Variants in RALGAPA2 observed in about 807,000 individuals in gnomAD.
RALGAPA2 encodes the protein Ral GTPase activating protein catalytic subunit alpha 2.
A neutral mutation model predicts 230.4 loss-of-function variants in RALGAPA2; 139 were observed. That is an observed-to-expected ratio of 0.60 (90% CI 0.53 to 0.69). The LOEUF is 0.69. Among genes scored for constraint, RALGAPA2 ranks in the 30% least tolerant of loss-of-function variants. The pLI, the probability that RALGAPA2 is intolerant of heterozygous loss-of-function variation, is 0.00. For synonymous variants in RALGAPA2, 847 were observed against 837.8 expected (o/e 1.01, Z -0.19); for missense variants, 2,163 against 2,276.0 (o/e 0.95, Z 1.01).
chr20:20,591,642 G>A (rs1242769410), intron 16 of RALGAPA2, among the ~76,000 whole-genome samples: 3 of 152,046 alleles, frequency 2.0e-5, no homozygotes, highest in South Asian at 4.1e-4. Flanking sequence ...AGATTCAGGA[G>A]ATGCACAGAA....
At chr20:20,684,221 CTT>C (rs1232763300) in intron 1 of RALGAPA2, among the ~76,000 whole-genome samples, 7 of 152,176 alleles carry the variant, frequency 4.6e-5, no homozygotes, top group South Asian at 2.1e-4. Flanking sequence ...GGCCCTCTCT[CTT>C]GGTAGGCTCT....
In RALGAPA2 at chr20:20,458,491, T is replaced by C. The variant is rs1377858265; in HGVS notation, c.5495+14338A>G. On this transcript the variant is annotated intron_variant, in intron 37 of 39. Transcript: ENST00000202677. ...TATAATATATAATATATATGTATTT[T>C]ATATATATTATATATAATATATATG... 7.0e-3 allele frequency among the ~76,000 whole-genome samples: 957 copies of C among 135,796 alleles called. 19 individuals carry two copies. The highest frequency in any genetic ancestry group is 9.6e-3 in the South Asian group (43 of 4,474). The allele number at this position is 135,796 out of a possible 152,430, so 89.1% of individuals were successfully genotyped here. A position where few individuals can be genotyped will look rare whatever the true frequency, so the allele number is the denominator to read the frequency against.
intron 3 of RALGAPA2, among the ~76,000 whole-genome samples, chr20:20,661,641 G>A (rs944726962): frequency 1.3e-5 from 2 of 152,134 alleles, no homozygotes; most frequent in Non-Finnish European, 2.9e-5. Flanking sequence ...AAAACCAAGT[G>A]CAATGGGCAT....
chr20:20,580,266 C>T (rs894735702), intron 20 of RALGAPA2, among the ~76,000 whole-genome samples: 1 of 152,094 alleles, frequency 6.6e-6, no homozygotes, highest in African/African-American at 2.4e-5. Context: ...GGCATTAGGG[C>T]CTCACTGATC....
At chr20:20,710,306 C>T (rs1191686870) in intron 1 of RALGAPA2, among the ~76,000 whole-genome samples, 1 of 152,128 alleles carries the variant, frequency 6.6e-6, no homozygotes, top group Non-Finnish European at 1.5e-5. Flanking sequence ...ACTTTCAGTT[C>T]AAGAGGCCTT....
rs184564972 is a variant in RALGAPA2, at chr20:20,607,590, A to C, written c.1801-2178T>G. Among the ~76,000 whole-genome samples the C allele has an allele frequency of 1.9e-3, 289 of 152,316 alleles. 3 individuals are homozygous for C. Among genetic ancestry groups the C allele is most frequent in the Non-Finnish European group, 3.5e-4 (24 of 68,020 alleles). On this transcript the variant is annotated intron_variant, in intron 14 of 39. Transcript: ENST00000202677. ...CCATAACGTACCTATAGACAATAAA[A>C]TTAATAAATATTAGATCAATAAATA...
intron 1 of RALGAPA2, among the ~76,000 whole-genome samples, chr20:20,688,525 G>C (rs1240523925): frequency 1.1e-4 from 17 of 152,170 alleles, no homozygotes; most frequent in Non-Finnish European, 8.8e-5. Flanking sequence ...TGTGAAGGAA[G>C]CACAGAGTCC....
Position 20,640,796 on chromosome 20 carries a change from A to G in RALGAPA2, c.455T>C (p.Phe152Ser). The change falls in exon 6 of 40, where the codon TTT (phenylalanine) becomes TCT (serine). Residue 152 changes from phenylalanine (F) to serine (S), a missense_variant. Coordinates refer to ENST00000202677, the MANE Select transcript of RALGAPA2 (RefSeq NM_020343.4). ...TNCAEEQVLI[F>S]ACLVPGFPAV... ...TGGGAAACCAGGCACCAGGCAAGCA[A>G]AAATCAGAACCTGCTCTTCTGCACA... 6.2e-7 allele frequency: 1 copy of G among 1,613,932 alleles called. No homozygotes were observed. The highest frequency in any genetic ancestry group is 8.5e-7 in the Non-Finnish European group (1 of 1,179,834).
At chr20:20,677,629 A>ACTT (rs2068377861) in intron 2 of RALGAPA2, among the ~76,000 whole-genome samples, 2 of 64,284 alleles carry the variant, frequency 3.1e-5, no homozygotes, top group Non-Finnish European at 2.9e-5. Flanking sequence ...GATTTGACCC[A>ACTT]TTTTTTTTTT....
chr20:20,619,473 A>G (rs900115083), intron 11 of RALGAPA2, 59 bp from the exon 12 acceptor site: 164 of 1,233,612 alleles, frequency 1.3e-4, no homozygotes, highest in Non-Finnish European at 1.7e-4. Context: ...ACTTGCATTT[A>G]ACTATAAATA....
intron 37 of RALGAPA2, among the ~76,000 whole-genome samples, chr20:20,451,337 A>T (rs906400301): frequency 3.2e-4 from 48 of 152,166 alleles, no homozygotes; most frequent in African/African-American, 1.1e-3. Flanking sequence ...ATGAAACATC[A>T]ATTCTGAGTG....
intron 16 of RALGAPA2, among the ~76,000 whole-genome samples, chr20:20,593,076 C>A (rs2065342707): frequency 6.6e-6 from 1 of 152,118 alleles, no homozygotes; most frequent in Non-Finnish European, 1.5e-5. Flanking sequence ...CACCACTATA[C>A]CCAAAAAATT....
chr20:20,583,261 A>G (rs750096676), intron 19 of RALGAPA2, 35 bp from the exon 20 acceptor site: 11 of 1,550,460 alleles, frequency 7.1e-6, no homozygotes, highest in Non-Finnish European at 9.6e-6. Flanking sequence ...TTAAGATAAA[A>G]AATAGCTGAA....
At chr20:20,564,034 C>T (rs147316297) in intron 23 of RALGAPA2, among the ~76,000 whole-genome samples, 2 of 152,236 alleles carry the variant, frequency 1.3e-5, no homozygotes, top group Non-Finnish European at 2.9e-5. Context: ...TTATAATTCA[C>T]CCCCACTTTA....
rs1392957158 is a variant in RALGAPA2 at position 20,601,700 on chromosome 20, C to T, written c.2185G>A (p.Val729Ile). 20 of 1,611,124 alleles carry T rather than the reference C, an allele frequency of 1.2e-5. No homozygotes were observed. Among genetic ancestry groups the T allele is most frequent in the Non-Finnish European group, 1.6e-5 (19 of 1,179,038 alleles). ...TGTTTACCAGTTGCTTTTTGGCGAA[C>T]AATATTTCTTGCCTTTTCCACTCCC... is the stretch of plus-strand genomic sequence containing the variant. The part of the protein sequence containing the change: ...APGVEKARNI[V>I]RQKATEVEEC... The change falls in exon 16 of 40, where the codon GTT (valine) becomes ATT (isoleucine). Residue 729 changes from valine (V) to isoleucine (I), a missense_variant. Transcript: ENST00000202677.
intron 37 of RALGAPA2, among the ~76,000 whole-genome samples, chr20:20,434,940 A>G (rs1432842666): frequency 1.3e-5 from 2 of 152,186 alleles, no homozygotes; most frequent in South Asian, 2.1e-4. Flanking sequence ...TGTCTCAAAA[A>G]AGTTTTCTTT....
chr20:20,589,852 T>C (rs1247518686), intron 17 of RALGAPA2, among the ~76,000 whole-genome samples: 1 of 151,962 alleles, frequency 6.6e-6, no homozygotes, highest in East Asian at 1.9e-4. Context: ...CATAAGAGGA[T>C]TTTATGAATA....
intron 37 of RALGAPA2, among the ~76,000 whole-genome samples, chr20:20,451,813 A>G (rs904609520): frequency 1.3e-5 from 2 of 152,230 alleles, no homozygotes; most frequent in African/African-American, 4.8e-5. Context: ...TAAATTTATA[A>G]TCTAAATTTC....
At chr20:20,689,079 T>C (rs1388346684) in intron 1 of RALGAPA2, among the ~76,000 whole-genome samples, 1 of 152,240 alleles carries the variant, frequency 6.6e-6, no homozygotes, top group Non-Finnish European at 1.5e-5. Context: ...ATATACCATC[T>C]ATTATATAAA....
Sources: gnomAD v4.1 joint callset for allele counts (sites outside exome capture counted in the v4.1 genomes callset) on GRCh38, gnomAD v4.1.1 for gene constraint, MANE v1.5 for transcripts, NCBI Gene and HGNC (gene_info 2026-07-23, HGNC 2026-07-21) for gene names.